Variants in NRXN3 observed in about 807,000 individuals in gnomAD.
NRXN3 encodes the protein neurexin III.
In NRXN3, 32 loss-of-function variants were observed where a neutral mutation model predicts 137.6. That is an observed-to-expected ratio of 0.23 (90% CI 0.18 to 0.31). The LOEUF is 0.31. NRXN3 is among the 10% of genes least tolerant of loss of function. NRXN3 has a pLI of 1.00. For synonymous variants in NRXN3, 798 were observed against 784.5 expected, an observed-to-expected ratio of 1.02 and a Z score of -0.29; for missense variants, 1,574 against 2,062.5, an observed-to-expected ratio of 0.76 and a Z score of 4.59.
At chr14:79,344,304 G>A (rs1281265929) in intron 15 of NRXN3, among the ~76,000 whole-genome samples, 1 of 152,112 alleles carries the variant, frequency 6.6e-6, no homozygotes, top group African/African-American at 2.4e-5. Flanking sequence ...GGAGGTGAGT[G>A]AGAGGAAGAA....
chr14:79,713,181 T>G (rs1256295516), intron 19 of NRXN3, among the ~76,000 whole-genome samples: 1 of 146,624 alleles, frequency 6.8e-6, no homozygotes, highest in African/African-American at 2.5e-5. Context: ...TTTTTTTTTT[T>G]TTTTTTTTTA....
At chr14:78,600,646 A>C (rs538003566) in intron 4 of NRXN3, among the ~76,000 whole-genome samples, 1 of 151,980 alleles carries the variant, frequency 6.6e-6, no homozygotes, top group South Asian at 2.1e-4. Flanking sequence ...TTTCTGGACA[A>C]TCTCTACCAC....
chr14:78,293,304 A>C (rs990392570), intron 3 of NRXN3, among the ~76,000 whole-genome samples: 3 of 152,138 alleles, frequency 2.0e-5, no homozygotes, highest in Middle Eastern at 3.2e-3. Context: ...GGTTGTGAGA[A>C]GCCCTTATAT....
chr14:79,393,248 C>T (rs1238050467), intron 15 of NRXN3, among the ~76,000 whole-genome samples: 4 of 151,906 alleles, frequency 2.6e-5, no homozygotes, highest in African/African-American at 9.7e-5. Flanking sequence ...AAGAGAAGAA[C>T]ACAGAAAGCA....
At chr14:78,292,739 G>C (rs59906247) in intron 3 of NRXN3, among the ~76,000 whole-genome samples, 1 of 152,178 alleles carries the variant, frequency 6.6e-6, no homozygotes, top group African/African-American at 2.4e-5. Context: ...CCGATGGTGA[G>C]ACTGTTTTGG....
intron 15 of NRXN3, among the ~76,000 whole-genome samples, chr14:79,125,486 T>C (rs1381022002): frequency 6.6e-6 from 1 of 152,198 alleles, no homozygotes; most frequent in Non-Finnish European, 1.5e-5. Flanking sequence ...GAACAACAAC[T>C]TTTGCAGGAA....
intron 1 of NRXN3, among the ~76,000 whole-genome samples, chr14:78,228,901 C>T (rs1404930558): frequency 6.6e-6 from 1 of 152,130 alleles, no homozygotes; most frequent in Admixed American, 6.6e-5. Flanking sequence ...TGAGTATTTA[C>T]TGATGGTTCC....
chr14:79,355,668 A>G (rs552828048), intron 15 of NRXN3, among the ~76,000 whole-genome samples: 1 of 152,302 alleles, frequency 6.6e-6, no homozygotes, highest in African/African-American at 2.4e-5. Context: ...CAAAGACAAA[A>G]TAAACAATAA....
intron 10 of NRXN3, among the ~76,000 whole-genome samples, chr14:78,848,610 T>A (rs2099034284): frequency 6.6e-6 from 1 of 152,172 alleles, no homozygotes; most frequent in East Asian, 1.9e-4. Flanking sequence ...GATGAAATAA[T>A]AGAAGAAAGT....
chr14:79,634,385 G>A (rs541668176), intron 16 of NRXN3, among the ~76,000 whole-genome samples: 1 of 152,240 alleles, frequency 6.6e-6, no homozygotes, highest in Non-Finnish European at 1.5e-5. Context: ...GGTTACGTAT[G>A]GAAAAAGCCT....
rs755521475 is a variant in NRXN3, at chr14:79,805,914, ATACATTTTGATGTT to A, written c.4093+726_4093+739del. Reference sequence around the variant, plus strand: ...CAATGTGTTCCCCATTTGGACCCAGATACATTTTGATGTTTTATGGTCTTTCTTTATAGTGAGCT... The same window carrying A: ...CAATGTGTTCCCCATTTGGACCCAGATTATGGTCTTTCTTTATAGTGAGCT... On this transcript the variant is annotated intron_variant, in intron 20 of 20. Transcript: ENST00000335750. 5.0e-4 allele frequency among the ~76,000 whole-genome samples: 76 copies of A among 152,276 alleles called. 1 individual carries two copies. The highest frequency in any genetic ancestry group is 4.2e-4 in the South Asian group (2 of 4,816).
chr14:78,517,477 C>A (rs1045740263), intron 4 of NRXN3, among the ~76,000 whole-genome samples: 1 of 152,096 alleles, frequency 6.6e-6, no homozygotes, highest in African/African-American at 2.4e-5. Context: ...CACTTGTTTT[C>A]CCTGTCATTT....
At chr14:79,222,109 C>G (rs1214784660) in intron 15 of NRXN3, among the ~76,000 whole-genome samples, 1 of 152,084 alleles carries the variant, frequency 6.6e-6, no homozygotes, top group Non-Finnish European at 1.5e-5. Flanking sequence ...TTCCATTGGT[C>G]TATATATCTG....
At chr14:79,528,673 G>GT (rs199974422) in intron 16 of NRXN3, among the ~76,000 whole-genome samples, 9,990 of 150,468 alleles carry the variant, frequency 0.066, 744 homozygotes, top group African/African-American at 0.18. Context: ...AAAAAAAGTA[G>GT]TTTTTTTTTA....
At chr14:79,764,788 G>A (rs1379993460) in intron 19 of NRXN3, among the ~76,000 whole-genome samples, 1 of 152,122 alleles carries the variant, frequency 6.6e-6, no homozygotes, top group African/African-American at 2.4e-5. Context: ...CCAAAAAAAT[G>A]GGATAAAAAA....
chr14:78,463,794 A>G (rs1004833459), intron 4 of NRXN3, among the ~76,000 whole-genome samples: 3 of 150,070 alleles, frequency 2.0e-5, no homozygotes, highest in African/African-American at 7.4e-5. Flanking sequence ...TTTTAGATAT[A>G]GCAAGTACTC....
At chr14:79,768,358 G>T (rs7147057) in intron 19 of NRXN3, among the ~76,000 whole-genome samples, 79,445 of 152,014 alleles carry the variant, frequency 0.52, 21,335 homozygotes, top group Middle Eastern at 0.65. Context: ...AACCTCTGCA[G>T]ACTTAAGTAT....
chr14:79,145,770 A>G (rs2059247300), intron 15 of NRXN3, among the ~76,000 whole-genome samples: 1 of 152,210 alleles, frequency 6.6e-6, no homozygotes, highest in African/African-American at 2.4e-5. Flanking sequence ...TACCTATTGC[A>G]TTGTATAATA....
chr14:79,208,417 CA>C (rs1373004937), intron 15 of NRXN3, among the ~76,000 whole-genome samples: 3 of 151,992 alleles, frequency 2.0e-5, no homozygotes, highest in African/African-American at 7.2e-5. Context: ...TTTTCTTGGC[CA>C]AAAGGGGACA....
Sources: allele counts gnomAD v4.1 joint callset (sites outside exome capture counted in the v4.1 genomes callset), GRCh38; gene constraint gnomAD v4.1.1; transcripts MANE v1.5; gene names NCBI Gene and HGNC (gene_info 2026-07-23, HGNC 2026-07-21).